Variants in CACNA2D1 observed in about 807,000 individuals in gnomAD.
CACNA2D1 encodes the protein voltage-dependent calcium channel subunit alpha-2/delta-1.
A neutral mutation model predicts 171.5 loss-of-function variants in CACNA2D1; 53 were observed. That is an observed-to-expected ratio of 0.31 (90% CI 0.25 to 0.39). CACNA2D1 has a LOEUF of 0.39. Ranked by LOEUF, CACNA2D1 falls within the 10% of genes least tolerant of loss-of-function variation. CACNA2D1 has a pLI of 1.00. For synonymous variants in CACNA2D1, 442 were observed against 443.1 expected (o/e 1.00, Z 0.03); for missense variants, 903 against 1,299.8 (o/e 0.69, Z 4.69).
chr7:82,032,154 C>T (rs1440465485), intron 12 of CACNA2D1, among the ~76,000 whole-genome samples: 1 of 151,894 alleles, frequency 6.6e-6, no homozygotes, highest in Admixed American at 6.6e-5. Context: ...AATGAGGTCC[C>T]TCTCTGTAAT....
At chr7:82,111,827 A>G (rs1368846242) in intron 6 of CACNA2D1, among the ~76,000 whole-genome samples, 1 of 152,134 alleles carries the variant, frequency 6.6e-6, no homozygotes, top group Non-Finnish European at 1.5e-5. Flanking sequence ...CTTAACACAT[A>G]TAAATATAAT....
chr7:82,234,597 A>T lies in CACNA2D1; in HGVS notation c.295-63988T>A, dbSNP rs1803330218. On this transcript the variant is annotated intron_variant, in intron 3 of 38. Coordinates refer to ENST00000356860, the MANE Select transcript of CACNA2D1 (RefSeq NM_000722.4). ...AAGAATATCACTTTAGAAAAAAAAT[A>T]GCTATTCTTCCATCTTGACAACTTT... is the stretch of plus-strand genomic sequence containing the variant. 3.4e-5 allele frequency among the ~76,000 whole-genome samples: 3 copies of T among 88,190 alleles called. No individual in the cohort carries two copies. The South Asian group carries it at 1.3e-3, about 38-fold the overall frequency. The allele number at this position is 88,190 out of a possible 152,430, so 57.9% of individuals were successfully genotyped here. A position where few individuals can be genotyped will look rare whatever the true frequency, so the allele number is the denominator to read the frequency against.
intron 18 of CACNA2D1, chr7:82,001,631 T>G: frequency 2.0e-6 from 2 of 977,122 alleles, no homozygotes; most frequent in Non-Finnish European, 2.9e-6. Context: ...TTGAAAGCAC[T>G]GTTAAGGCTA....
At position 82,086,008 on chromosome 7, in the gene CACNA2D1, T is replaced by A. The variant is rs143149487; in HGVS notation, c.527-1108A>T. Among the ~76,000 whole-genome samples, 124 of 152,284 alleles carry A rather than the reference T, an allele frequency of 8.1e-4. 1 individual carries two copies. The highest frequency in any genetic ancestry group is 2.8e-3 in the African/African-American group (118 of 41,582). ...ACACAAAAAAAGGCATAATTTTCTA[T>A]GTAAAATATACACCATGTCCCCAGA... is the stretch of plus-strand genomic sequence containing the variant. On this transcript the variant is annotated intron_variant, in intron 6 of 38. Transcript: ENST00000356860.
chr7:82,336,053 T>A (rs1465243340), intron 2 of CACNA2D1, among the ~76,000 whole-genome samples: 1 of 152,186 alleles, frequency 6.6e-6, no homozygotes, highest in Non-Finnish European at 1.5e-5. Flanking sequence ...TGTTTGTGGC[T>A]GGAGGGCTGA....
At chr7:82,196,389 G>A (rs1418209767) in intron 3 of CACNA2D1, among the ~76,000 whole-genome samples, 1 of 152,046 alleles carries the variant, frequency 6.6e-6, no homozygotes, top group East Asian at 1.9e-4. Context: ...TGCTTGAAAA[G>A]GCAGACTAGC....
At position 81,980,555 on chromosome 7, in the gene CACNA2D1, A is replaced by C. The variant is rs80047047; in HGVS notation, c.1955+2012T>G. Among the ~76,000 whole-genome samples, 122 of 152,294 alleles carry C rather than the reference A, an allele frequency of 8.0e-4. 2 individuals are homozygous for C. The East Asian group carries it at 0.019, about 24-fold the overall frequency. On this transcript the variant is annotated intron_variant, in intron 24 of 38. Transcript: ENST00000356860. ...AAGCACAGATAATCATAAAGACAAT[A>C]TACAATCACTGGCTCGTATTTAGCA...
rs1807628754 is a variant in CACNA2D1 at position 82,066,497 on chromosome 7, G to T, written c.686C>A (p.Thr229Asn). The change falls in exon 8 of 39, where the codon ACT (threonine) becomes AAT (asparagine). Residue 229 changes from threonine (T) to asparagine (N), a missense_variant. This residue lies in a region of CACNA2D1 where 189 missense variants were observed against 266.8 expected (regional missense o/e 0.71). Coordinates refer to ENST00000356860, the MANE Select transcript of CACNA2D1 (RefSeq NM_000722.4). ...ATCATAAAGGTCAATCTTATTTGGA[G>T]TTCTACTATTATCAACCCATGGTGA... ...PASPWVDNSR[T>N]PNKIDLYDVR... 1.9e-6 allele frequency: 3 copies of T among 1,596,822 alleles called. No homozygotes were observed. Among genetic ancestry groups the T allele is most frequent in the Non-Finnish European group, 2.6e-6 (3 of 1,173,274 alleles).
chr7:82,210,186 T>C (rs1800418936), intron 3 of CACNA2D1, among the ~76,000 whole-genome samples: 1 of 152,174 alleles, frequency 6.6e-6, no homozygotes. Context: ...ATAAGTTCAT[T>C]GTTTTATTTA....
intron 4 of CACNA2D1, among the ~76,000 whole-genome samples, chr7:82,137,854 C>T (rs941430292): frequency 1.7e-4 from 25 of 146,698 alleles, no homozygotes; most frequent in Admixed American, 1.5e-3. Context: ...AGCGAGACTC[C>T]GCCTCAAAAA....
intron 18 of CACNA2D1, among the ~76,000 whole-genome samples, chr7:82,003,837 C>T (rs971635871): frequency 1.5e-4 from 22 of 151,514 alleles, no homozygotes; most frequent in African/African-American, 2.7e-4. Flanking sequence ...CTCCGCCTCC[C>T]GGGTTCAAGA....
intron 3 of CACNA2D1, among the ~76,000 whole-genome samples, chr7:82,235,801 A>C (rs1408135648): frequency 6.6e-6 from 1 of 152,072 alleles, no homozygotes; most frequent in East Asian, 1.9e-4. Flanking sequence ...ACATTATGAC[A>C]AGCCAACTGG....
At chr7:82,127,039 A>G (rs543253076) in intron 5 of CACNA2D1, among the ~76,000 whole-genome samples, 1 of 152,346 alleles carries the variant, frequency 6.6e-6, no homozygotes, top group African/African-American at 2.4e-5. Context: ...TTGAAACCAA[A>G]TATCTTGATA....
At chr7:82,193,907 T>G (rs899098440) in intron 3 of CACNA2D1, among the ~76,000 whole-genome samples, 2 of 152,044 alleles carry the variant, frequency 1.3e-5, no homozygotes, top group Non-Finnish European at 2.9e-5. Flanking sequence ...TTATCTATTA[T>G]GCATATTTTA....
At chr7:82,088,682 C>A in intron 6 of CACNA2D1, among the ~76,000 whole-genome samples, 1 of 151,778 alleles carries the variant, frequency 6.6e-6, no homozygotes, top group Non-Finnish European at 1.5e-5. Flanking sequence ...CCGTAAAAAT[C>A]CTTTGATTTG....
At chr7:82,389,639 T>C (rs1053570914) in intron 1 of CACNA2D1, among the ~76,000 whole-genome samples, 1 of 152,172 alleles carries the variant, frequency 6.6e-6, no homozygotes, top group Non-Finnish European at 1.5e-5. Flanking sequence ...CGATGCCTCA[T>C]TCTTACTTGA....
intron 4 of CACNA2D1, among the ~76,000 whole-genome samples, chr7:82,150,109 T>A (rs1180724184): frequency 1.3e-5 from 2 of 152,026 alleles, no homozygotes; most frequent in Non-Finnish European, 2.9e-5. Context: ...CTTAAACGGC[T>A]TTAAGCATTG....
At chr7:82,175,042 T>G (rs779672443) in intron 3 of CACNA2D1, among the ~76,000 whole-genome samples, 1 of 152,036 alleles carries the variant, frequency 6.6e-6, no homozygotes, top group Non-Finnish European at 1.5e-5. Context: ...TCCTAATCAA[T>G]ATCCACATAT....
chr7:82,257,064 C>T (rs954503948), intron 3 of CACNA2D1, among the ~76,000 whole-genome samples: 4 of 152,006 alleles, frequency 2.6e-5, no homozygotes, highest in Non-Finnish European at 4.4e-5. Context: ...TGTTTTGCTC[C>T]CAGTACTATC....
Sources: allele counts gnomAD v4.1 joint callset (sites outside exome capture counted in the v4.1 genomes callset), GRCh38; gene constraint gnomAD v4.1.1; regional missense constraint gnomAD v4.1.1; transcripts MANE v1.5; gene names NCBI Gene and HGNC (gene_info 2026-07-23, HGNC 2026-07-21).